The following DAB2IP variants were observed in gnomAD, a reference collection of about 807,000 sequenced individuals.
The protein encoded by DAB2IP is DAB2 interacting protein.
In DAB2IP, 28 loss-of-function variants were observed where a neutral mutation model predicts 107.2. That is an observed-to-expected ratio of 0.26 (90% CI 0.19 to 0.36). The LOEUF is 0.36. Ranked by LOEUF, DAB2IP falls within the 10% of genes least tolerant of loss-of-function variation. The pLI is 1.00. For synonymous variants in DAB2IP, 755 were observed against 706.4 expected, an observed-to-expected ratio of 1.07 and a Z score of -1.09; for missense variants, 1,400 against 1,644.7, an observed-to-expected ratio of 0.85 and a Z score of 2.57.
chr9:121,618,533 G>C (rs1831356546), intron 1 of DAB2IP, among the ~76,000 whole-genome samples: 1 of 152,020 alleles, frequency 6.6e-6, no homozygotes, highest in African/African-American at 2.4e-5. Context: ...GCTAATTTTT[G>C]TATTTTTGGT....
upstream of DAB2IP, among the ~76,000 whole-genome samples, chr9:121,647,468 C>T (rs1326420668): frequency 1.3e-5 from 2 of 152,184 alleles, no homozygotes; most frequent in African/African-American, 4.8e-5. Flanking sequence ...CATCTGGTGC[C>T]CCTGCTGACC....
intron 3 of DAB2IP, among the ~76,000 whole-genome samples, chr9:121,705,206 A>G (rs562356835): frequency 3.9e-5 from 6 of 152,336 alleles, no homozygotes; most frequent in African/African-American, 1.4e-4. Context: ...GGGGTTTCAA[A>G]GGCTGGAGAA....
At chr9:121,768,758 T>A in intron 10 of DAB2IP, 125 bp downstream of exon 10, 1 of 1,186,348 alleles carries the variant, frequency 8.4e-7, no homozygotes, top group Non-Finnish European at 1.2e-6. Flanking sequence ...CCAGGTCCTG[T>A]CAGAACACAC....
chr9:121,624,797 GT>G (rs1449084579), intron 1 of DAB2IP, among the ~76,000 whole-genome samples: 1 of 152,180 alleles, frequency 6.6e-6, no homozygotes, highest in African/African-American at 2.4e-5. Context: ...CCATCATTAT[GT>G]AACACACAAC....
chr9:121,761,517 A>C (rs1353520736), intron 6 of DAB2IP, among the ~76,000 whole-genome samples: 1 of 151,736 alleles, frequency 6.6e-6, no homozygotes, highest in African/African-American at 2.4e-5. Flanking sequence ...TCACCCTCTC[A>C]CCTGTTCCTA....
At chr9:121,757,841 C>A (rs1589653441) in intron 4 of DAB2IP, among the ~76,000 whole-genome samples, 1 of 152,232 alleles carries the variant, frequency 6.6e-6, no homozygotes. Flanking sequence ...AAGATTCCTA[C>A]CCCCAATAAT....
intron 1 of DAB2IP, among the ~76,000 whole-genome samples, chr9:121,570,145 T>G (rs866563597): frequency 7.0e-6 from 1 of 143,680 alleles, no homozygotes; most frequent in African/African-American, 2.6e-5. Context: ...GGGGTCTTAC[T>G]CTGTCATCCA....
intron 1 of DAB2IP, among the ~76,000 whole-genome samples, chr9:121,642,913 T>C (rs1198630862): frequency 6.7e-6 from 1 of 149,832 alleles, no homozygotes; most frequent in East Asian, 1.9e-4. Flanking sequence ...TCTCTGAGGG[T>C]GTGATATTTG....
At chr9:121,738,814 A>G (rs1441807296) in intron 3 of DAB2IP, among the ~76,000 whole-genome samples, 1 of 152,198 alleles carries the variant, frequency 6.6e-6, no homozygotes, top group Non-Finnish European at 1.5e-5. Flanking sequence ...TTTCATCAGG[A>G]CTTACTGAGC....
chr9:121,606,340 G>C (rs1830869901), intron 1 of DAB2IP, among the ~76,000 whole-genome samples: 1 of 151,672 alleles, frequency 6.6e-6, no homozygotes, highest in Non-Finnish European at 1.5e-5. Context: ...CTCCAGCCTG[G>C]GTGACAGAGT....
intron 2 of DAB2IP, among the ~76,000 whole-genome samples, chr9:121,679,413 TACACACAC>T (rs3138857): frequency 1.4e-4 from 19 of 135,632 alleles, no homozygotes; most frequent in South Asian, 2.5e-4. Flanking sequence ...TTTGTGCATG[TACACACAC>T]ACACACACAC....
intron 1 of DAB2IP, among the ~76,000 whole-genome samples, chr9:121,668,975 G>A (rs1011647237): frequency 1.4e-5 from 2 of 143,552 alleles, no homozygotes; most frequent in African/African-American, 5.2e-5. Context: ...GAGTTCAGTG[G>A]TGGGATCTTG....
exon 16 of DAB2IP, chr9:121,783,980 C>T (rs1835835984): frequency 9.0e-6 from 2 of 223,192 alleles, no homozygotes; most frequent in African/African-American, 4.5e-5. Flanking sequence ...AATCACCCCT[C>T]TGCCCCTGCA....
intron 10 of DAB2IP, among the ~76,000 whole-genome samples, chr9:121,769,362 C>T (rs1259553222): frequency 6.6e-6 from 1 of 151,886 alleles, no homozygotes; most frequent in East Asian, 1.9e-4. Flanking sequence ...TGTAAGCGCA[C>T]ACACACATGC....
intron 1 of DAB2IP, among the ~76,000 whole-genome samples, chr9:121,580,084 C>CT (rs931240555): frequency 6.4e-4 from 97 of 152,222 alleles, no homozygotes; most frequent in Middle Eastern, 6.8e-3. Flanking sequence ...ACCCCTCCTC[C>CT]TTTTTTCCCT....
At chr9:121,753,603 A>G (rs1373197492) in intron 3 of DAB2IP, among the ~76,000 whole-genome samples, 1 of 152,178 alleles carries the variant, frequency 6.6e-6, no homozygotes, top group Non-Finnish European at 1.5e-5. Context: ...GGGCGGCTCA[A>G]GTAACTGCTC....
chr9:121,656,898 A>G (rs1832993928), intron 1 of DAB2IP, among the ~76,000 whole-genome samples: 1 of 152,186 alleles, frequency 6.6e-6, no homozygotes, highest in African/African-American at 2.4e-5. Flanking sequence ...TCACCTTGCG[A>G]TATCCGTGGG....
intron 3 of DAB2IP, among the ~76,000 whole-genome samples, chr9:121,700,129 C>G (rs1829691646): frequency 6.6e-6 from 1 of 152,200 alleles, no homozygotes; most frequent in Non-Finnish European, 1.5e-5. Flanking sequence ...CCTCACCTCT[C>G]CACTCTCAGG....
intron 1 of DAB2IP, among the ~76,000 whole-genome samples, chr9:121,618,327 A>C (rs1455265647): frequency 6.6e-6 from 1 of 152,140 alleles, no homozygotes; most frequent in African/African-American, 2.4e-5. Context: ...AGCCTCATAA[A>C]CATACAATGT....
Sources: allele counts gnomAD v4.1 joint callset (sites outside exome capture counted in the v4.1 genomes callset), GRCh38; gene constraint gnomAD v4.1.1; transcripts MANE v1.5; gene names NCBI Gene and HGNC (gene_info 2026-07-23, HGNC 2026-07-21).